ADAM29: variants seen among roughly 807,000 people sequenced by gnomAD.
ADAM29 encodes disintegrin and metalloproteinase domain-containing protein 29.
For missense variants in ADAM29, 969 were observed against 1,001.8 expected, an observed-to-expected ratio of 0.97 and a Z score of 0.44; for synonymous variants, 367 against 342.3, an observed-to-expected ratio of 1.07 and a Z score of -0.80.
At chr4:174,938,777 A>G (rs1177963687) in intron 4 of ADAM29, among the ~76,000 whole-genome samples, 1 of 152,148 alleles carries the variant, frequency 6.6e-6, no homozygotes, top group African/African-American at 2.4e-5. Context: ...GGTGGCTTAA[A>G]ACAACAGAAT....
intron 4 of ADAM29, among the ~76,000 whole-genome samples, chr4:174,965,046 T>G (rs1029478820): frequency 1.5e-4 from 23 of 152,150 alleles, no homozygotes; most frequent in Non-Finnish European, 3.4e-4. Flanking sequence ...AGTTATCATT[T>G]CACAGAGAAA....
rs962210694 is a variant in ADAM29, at chr4:174,928,507, G to A, written c.-450-2479G>A. ...TTGTAAGACCCATGGGAAGGGAGGG[G>A]GAACAGTCTGGTTGGGGTGACCCTA... On this transcript the variant is annotated intron_variant, in intron 2 of 4. Transcript: ENST00000359240. Among the ~76,000 whole-genome samples the A allele has an allele frequency of 3.4e-5, 5 of 148,562 alleles. No individual in the cohort carries two copies. The South Asian group carries it at 6.4e-4, about 19-fold the overall frequency.
chr4:174,965,517 A>ATCTG (rs970571433), intron 4 of ADAM29, among the ~76,000 whole-genome samples: 1 of 149,800 alleles, frequency 6.7e-6, no homozygotes, highest in African/African-American at 2.5e-5. Context: ...CTATCTATCT[A>ATCTG]TCTATCATCT....
chr4:174,958,652 T>C (rs997326774), intron 4 of ADAM29, among the ~76,000 whole-genome samples: 1 of 151,882 alleles, frequency 6.6e-6, no homozygotes, highest in African/African-American at 2.4e-5. Context: ...TATATTTATG[T>C]TAAAATGCAA....
chr4:174,928,359 A>T lies in ADAM29; in HGVS notation c.-450-2627A>T, dbSNP rs1053856971. ...GGAGATGTTTTTTGCCAGCTTTGTT[A>T]TGCAAGGTGAACAGACATGTCAACC... On this transcript the variant is annotated intron_variant, in intron 2 of 4. Transcript: ENST00000359240. 3.3e-5 allele frequency among the ~76,000 whole-genome samples: 5 copies of T among 152,074 alleles called. No homozygotes were observed. The South Asian group carries it at 1.0e-3, about 32-fold the overall frequency.
chr4:174,966,228 T>C (rs920275835), intron 4 of ADAM29, among the ~76,000 whole-genome samples: 3 of 152,226 alleles, frequency 2.0e-5, no homozygotes, highest in Non-Finnish European at 4.4e-5. Flanking sequence ...TCAAATGTGT[T>C]TGATTCACAG....
At chr4:174,973,730 T>A (rs1746594219) in intron 4 of ADAM29, among the ~76,000 whole-genome samples, 1 of 152,120 alleles carries the variant, frequency 6.6e-6, no homozygotes, top group African/African-American at 2.4e-5. Flanking sequence ...TCTGAAGGGG[T>A]TTCAGCTCAA....
chr4:174,976,754 AGTGTGACT>A lies in ADAM29; in HGVS notation c.1233_1240del (p.Cys411TrpfsTer20), dbSNP rs1343843684. 6.2e-7 allele frequency: 1 copy of A among 1,614,036 alleles called. No homozygotes were observed. On this transcript the variant is annotated frameshift_variant, in exon 5 of 5. Transcript: ENST00000359240. LOFTEE classifies it low-confidence loss of function (END_TRUNC). ...AATGGTGTTGTTGAAGAAGGAGAAG[AGTGTGACT>A]GTGGACCTTTAAAGCATTGTGCAAA...
intron 4 of ADAM29, among the ~76,000 whole-genome samples, chr4:174,973,496 A>G (rs2111108147): frequency 6.6e-6 from 1 of 152,286 alleles, no homozygotes; most frequent in East Asian, 1.9e-4. Context: ...TTGTTGAAAT[A>G]TGTTCTGGGG....
At chr4:174,932,151 G>T (rs1347670562) in intron 3 of ADAM29, among the ~76,000 whole-genome samples, 1 of 152,066 alleles carries the variant, frequency 6.6e-6, no homozygotes, top group Non-Finnish European at 1.5e-5. Flanking sequence ...GCTAGGTGTG[G>T]TGGCACATAC....
chr4:174,925,244 T>C (rs1036076816), intron 2 of ADAM29, among the ~76,000 whole-genome samples: 1 of 152,126 alleles, frequency 6.6e-6, no homozygotes, highest in African/African-American at 2.4e-5. Context: ...ACAAAAGGCA[T>C]GGATTTAATA....
At chr4:174,975,101 C>G (rs1746684593) in intron 4 of ADAM29, among the ~76,000 whole-genome samples, 1 of 152,096 alleles carries the variant, frequency 6.6e-6, no homozygotes, top group South Asian at 2.1e-4. Context: ...GAATCAATTT[C>G]CCACCGTTTA....
intron 2 of ADAM29, among the ~76,000 whole-genome samples, chr4:174,927,391 A>G (rs62334416): frequency 0.27 from 40,772 of 152,112 alleles, 6,101 homozygotes; most frequent in Non-Finnish European, 0.34. Flanking sequence ...CCAAACTAAT[A>G]TAAAACAATT....
At chr4:174,954,987 G>A (rs995415977) in intron 4 of ADAM29, among the ~76,000 whole-genome samples, 3 of 151,936 alleles carry the variant, frequency 2.0e-5, no homozygotes, top group Non-Finnish European at 2.9e-5. Context: ...TTTCATTCAT[G>A]TATGTTTTAG....
intron 4 of ADAM29, among the ~76,000 whole-genome samples, chr4:174,949,179 T>C (rs1295921538): frequency 6.6e-6 from 1 of 152,048 alleles, no homozygotes; most frequent in East Asian, 1.9e-4. Context: ...TGCCAGTAGA[T>C]GGAGGGGCAC....
rs1745289285 is a variant in ADAM29, at chr4:174,953,212, G to A, written c.-181+16199G>A. ...GAGGCAGGAGAATGGCATGAACCCA[G>A]GAGGCGGAGCTTGCAGTGAGCTGAG... On this transcript the variant is annotated intron_variant, in intron 4 of 4. Transcript: ENST00000359240. 1.3e-5 allele frequency among the ~76,000 whole-genome samples: 2 copies of A among 152,138 alleles called. 1 individual carries two copies. The highest frequency in any genetic ancestry group is 4.1e-4 in the South Asian group (2 of 4,832).
In ADAM29 at chr4:174,978,036, C is replaced by G; in HGVS notation, c.*48C>G. On this transcript the variant is annotated 3_prime_UTR_variant, in exon 5 of 5. Transcript: ENST00000359240. ...CCCAGAGTCAACCTCCTGTGACGCC[C>G]TCCCAGAGCCAACCTCGGGTGACAC... 1 of 1,595,084 alleles carries G rather than the reference C, an allele frequency of 6.3e-7. No homozygotes were observed. The highest frequency in any genetic ancestry group is 8.6e-7 in the Non-Finnish European group (1 of 1,168,462).
intron 4 of ADAM29, among the ~76,000 whole-genome samples, chr4:174,972,212 G>C (rs554815064): frequency 2.3e-4 from 35 of 152,072 alleles, no homozygotes; most frequent in South Asian, 1.7e-3. Flanking sequence ...TTCTTTCTTT[G>C]TTTGGAACAT....
intron 2 of ADAM29, among the ~76,000 whole-genome samples, chr4:174,929,646 AG>A (rs1002334016): frequency 3.1e-4 from 45 of 144,614 alleles, no homozygotes; most frequent in Non-Finnish European, 5.8e-4. Flanking sequence ...GGCCAGCTGG[AG>A]TTTTTATGGG....
Sources: gnomAD v4.1 joint callset for allele counts (sites outside exome capture counted in the v4.1 genomes callset) on GRCh38, gnomAD v4.1.1 for gene constraint, MANE v1.5 for transcripts, NCBI Gene and HGNC (gene_info 2026-07-23, HGNC 2026-07-21) for gene names.